PHACTR1: variants seen among roughly 807,000 people sequenced by gnomAD.
The protein encoded by PHACTR1 is phosphatase and actin regulator 1.
PHACTR1 carries 16 observed loss-of-function variants against 69.2 expected under a neutral mutation model. That is an observed-to-expected ratio of 0.23 (90% CI 0.16 to 0.35). The LOEUF is 0.35. PHACTR1 is among the 10% of genes least tolerant of loss of function. PHACTR1 has a pLI of 1.00. For missense variants in PHACTR1, 510 were observed against 734.7 expected (o/e 0.69, Z 3.54); for synonymous variants, 312 against 284.5 (o/e 1.10, Z -0.97).
chr6:13,241,870 A>G (rs1438480044), intron 10 of PHACTR1, among the ~76,000 whole-genome samples: 1 of 133,016 alleles, frequency 7.5e-6, no homozygotes, highest in Non-Finnish European at 1.6e-5. Context: ...CTAAAAATGC[A>G]AAAAAAAAAA....
At chr6:13,083,449 A>G (rs1319406691) in intron 5 of PHACTR1, among the ~76,000 whole-genome samples, 2 of 152,180 alleles carry the variant, frequency 1.3e-5, no homozygotes, top group East Asian at 3.9e-4. Flanking sequence ...GTTCCATATG[A>G]ACTTTAAAGT....
intron 5 of PHACTR1, among the ~76,000 whole-genome samples, chr6:13,119,272 G>T (rs755462572): frequency 3.9e-5 from 6 of 152,184 alleles, no homozygotes; most frequent in Non-Finnish European, 8.8e-5. Flanking sequence ...AACCCACTGG[G>T]ATTAATTTAA....
chr6:12,997,633 A>G (rs1437486870), intron 4 of PHACTR1, among the ~76,000 whole-genome samples: 1 of 152,178 alleles, frequency 6.6e-6, no homozygotes, highest in Non-Finnish European at 1.5e-5. Context: ...AGAATATTCA[A>G]AATCCTCTCT....
At chr6:12,923,897 T>C (rs1787979857) in intron 4 of PHACTR1, among the ~76,000 whole-genome samples, 1 of 152,232 alleles carries the variant, frequency 6.6e-6, no homozygotes, top group South Asian at 2.1e-4. Flanking sequence ...ATGTGTCACA[T>C]GTTGATATTA....
chr6:13,219,866 A>G (rs1048784793), intron 8 of PHACTR1, among the ~76,000 whole-genome samples: 1 of 152,192 alleles, frequency 6.6e-6, no homozygotes, highest in Non-Finnish European at 1.5e-5. Context: ...AGAAAAAATG[A>G]TGGGCTTTGC....
intron 5 of PHACTR1, among the ~76,000 whole-genome samples, chr6:13,085,026 A>G (rs986342913): frequency 5.9e-5 from 9 of 152,276 alleles, no homozygotes; most frequent in African/African-American, 1.9e-4. Context: ...ATTACAATAC[A>G]TGTAAGTATT....
chr6:13,064,353 T>C (rs1808155564), intron 5 of PHACTR1, among the ~76,000 whole-genome samples: 1 of 151,218 alleles, frequency 6.6e-6, no homozygotes. Flanking sequence ...AGCAATTAAA[T>C]GGATGGAGGT....
At chr6:13,054,507 C>T (rs991611903) in intron 5 of PHACTR1, among the ~76,000 whole-genome samples, 4 of 152,212 alleles carry the variant, frequency 2.6e-5, no homozygotes, top group Non-Finnish European at 4.4e-5. Flanking sequence ...GATCAAGTTG[C>T]TGACAAGATA....
At chr6:13,120,623 T>G (rs937704283) in intron 5 of PHACTR1, among the ~76,000 whole-genome samples, 2 of 152,156 alleles carry the variant, frequency 1.3e-5, no homozygotes, top group African/African-American at 4.8e-5. Flanking sequence ...CCTCCTTGCT[T>G]CCTTGACAGA....
rs560991956 is a variant in PHACTR1 at position 13,019,504 on chromosome 6, T to C, written c.251-33861T>C. ...CAATATCTGTTTCAGGCTCAGAGTATGTCCAATAATACACTTTCAATCACC... is the reference window on the plus strand; with the variant it reads ...CAATATCTGTTTCAGGCTCAGAGTACGTCCAATAATACACTTTCAATCACC... On this transcript the variant is annotated intron_variant, in intron 4 of 14. Coordinates refer to ENST00000332995, the MANE Select transcript of PHACTR1 (RefSeq NM_030948.6). 4.6e-5 allele frequency among the ~76,000 whole-genome samples: 7 copies of C among 152,332 alleles called. No homozygotes were observed. The South Asian group carries it at 1.2e-3, about 27-fold the overall frequency.
intron 10 of PHACTR1, chr6:13,272,610 G>A: frequency 8.8e-7 from 1 of 1,138,064 alleles, no homozygotes; most frequent in Non-Finnish European, 1.2e-6. Flanking sequence ...TGGAGGAGAT[G>A]GGGCTGGGGA....
chr6:13,088,209 A>T (rs1428407011), intron 5 of PHACTR1, among the ~76,000 whole-genome samples: 1 of 152,214 alleles, frequency 6.6e-6, no homozygotes, highest in African/African-American at 2.4e-5. Context: ...AATAGATTTT[A>T]AAAACAATTG....
intron 3 of PHACTR1, among the ~76,000 whole-genome samples, chr6:12,743,643 C>A (rs1051881124): frequency 1.3e-5 from 2 of 152,158 alleles, no homozygotes; most frequent in African/African-American, 4.8e-5. Context: ...TATGGGAGCA[C>A]CCAGATTCAT....
chr6:12,782,804 G>A (rs191078818), intron 4 of PHACTR1, among the ~76,000 whole-genome samples: 65 of 152,078 alleles, frequency 4.3e-4, no homozygotes, highest in African/African-American at 1.5e-3. Context: ...GGAAATGAGG[G>A]GCCATGTAGC....
At chr6:12,853,188 A>G (rs1225113623) in intron 4 of PHACTR1, among the ~76,000 whole-genome samples, 1 of 152,238 alleles carries the variant, frequency 6.6e-6, no homozygotes, top group Non-Finnish European at 1.5e-5. Flanking sequence ...AAAATTGGAT[A>G]AAAAACAATC....
chr6:12,809,223 T>C, intron 4 of PHACTR1, among the ~76,000 whole-genome samples: 1 of 152,180 alleles, frequency 6.6e-6, no homozygotes. Context: ...CTGTGTTTTC[T>C]AACTTTCTAC....
At chr6:13,227,215 C>T (rs1769908549) in intron 8 of PHACTR1, among the ~76,000 whole-genome samples, 1 of 152,176 alleles carries the variant, frequency 6.6e-6, no homozygotes, top group African/African-American at 2.4e-5. Context: ...CAATGTCATG[C>T]ATGGGTCTCC....
At chr6:12,795,991 A>G (rs1427474206) in intron 4 of PHACTR1, among the ~76,000 whole-genome samples, 3 of 152,212 alleles carry the variant, frequency 2.0e-5, no homozygotes, top group Admixed American at 6.5e-5. Flanking sequence ...TTCAACATAT[A>G]CATCTGTGTT....
intron 5 of PHACTR1, among the ~76,000 whole-genome samples, chr6:13,136,525 C>T (rs1821568507): frequency 6.6e-6 from 1 of 152,244 alleles, no homozygotes; most frequent in African/African-American, 2.4e-5. Context: ...GGCTGTTTCA[C>T]TTGTTTATCA....
Sources: allele counts gnomAD v4.1 joint callset (sites outside exome capture counted in the v4.1 genomes callset), GRCh38; gene constraint gnomAD v4.1.1; transcripts MANE v1.5; gene names NCBI Gene and HGNC (gene_info 2026-07-23, HGNC 2026-07-21).